The following OSBPL6 variants were observed in gnomAD, a reference collection of about 807,000 sequenced individuals.
The protein encoded by OSBPL6 is oxysterol binding protein like 6.
Under a neutral mutation model 125.8 loss-of-function variants are expected in OSBPL6, and 49 were observed. The ratio of observed to expected loss-of-function variants is 0.39; its 90% CI spans 0.31 to 0.49. OSBPL6 has a LOEUF of 0.49. OSBPL6 is among the 20% of genes least tolerant of loss of function. OSBPL6 has a pLI of 0.88. For synonymous variants in OSBPL6, 394 were observed against 391.8 expected (o/e 1.01, Z -0.07); for missense variants, 986 against 1,135.4 (o/e 0.87, Z 1.89).
chr2:178,253,175 C>G (rs1039629258), intron 1 of OSBPL6, among the ~76,000 whole-genome samples: 3 of 152,118 alleles, frequency 2.0e-5, no homozygotes, highest in Non-Finnish European at 4.4e-5. Context: ...GCGCCCACCA[C>G]CAAGCCCAGC....
chr2:178,359,019 TA>T (rs1692078846), intron 12 of OSBPL6, among the ~76,000 whole-genome samples: 1 of 151,600 alleles, frequency 6.6e-6, no homozygotes, highest in South Asian at 2.1e-4. Context: ...AAAATAAAAT[TA>T]AAAAAATTAG....
chr2:178,219,713 A>G (rs1470903474), intron 1 of OSBPL6, among the ~76,000 whole-genome samples: 1 of 152,202 alleles, frequency 6.6e-6, no homozygotes, highest in Non-Finnish European at 1.5e-5. Flanking sequence ...GCAACTAATT[A>G]CGTGCTGTTA....
chr2:178,268,017 C>A (rs934578735), intron 1 of OSBPL6, among the ~76,000 whole-genome samples: 3 of 151,780 alleles, frequency 2.0e-5, no homozygotes, highest in African/African-American at 7.3e-5. Flanking sequence ...GAGTGAATGA[C>A]TGATTCAAGG....
intron 1 of OSBPL6, among the ~76,000 whole-genome samples, chr2:178,210,818 A>AC (rs1464564604): frequency 4.1e-5 from 5 of 121,318 alleles, no homozygotes; most frequent in African/African-American, 1.9e-4. Flanking sequence ...GTTTCAAAAA[A>AC]AAAAAACACA....
chr2:178,228,380 A>G (rs1250872373), intron 1 of OSBPL6, among the ~76,000 whole-genome samples: 1 of 152,120 alleles, frequency 6.6e-6, no homozygotes, highest in Non-Finnish European at 1.5e-5. Flanking sequence ...CTAAAAATAC[A>G]AAAAATGAGC....
At chr2:178,223,958 G>T (rs760537683) in intron 1 of OSBPL6, among the ~76,000 whole-genome samples, 1 of 152,210 alleles carries the variant, frequency 6.6e-6, no homozygotes, top group Non-Finnish European at 1.5e-5. Flanking sequence ...ACACTTGCCA[G>T]TCATCTTAGG....
chr2:178,257,844 G>A (rs921611594), intron 1 of OSBPL6, among the ~76,000 whole-genome samples: 10 of 149,224 alleles, frequency 6.7e-5, no homozygotes, highest in South Asian at 2.1e-4. Flanking sequence ...TTTTGAGACC[G>A]GAGTGCAGTG....
chr2:178,360,535 T>C (rs1692256402), intron 12 of OSBPL6, among the ~76,000 whole-genome samples: 1 of 152,222 alleles, frequency 6.6e-6, no homozygotes, highest in Non-Finnish European at 1.5e-5. Context: ...ATGTATCTTA[T>C]AACATCATAC....
intron 3 of OSBPL6, among the ~76,000 whole-genome samples, chr2:178,311,592 A>C (rs1378395645): frequency 6.6e-6 from 1 of 152,254 alleles, no homozygotes; most frequent in Non-Finnish European, 1.5e-5. Flanking sequence ...AAGATGTATT[A>C]GAAGCAATAA....
chr2:178,310,659 C>T (rs536279786), intron 3 of OSBPL6, among the ~76,000 whole-genome samples: 8 of 152,108 alleles, frequency 5.3e-5, no homozygotes, highest in African/African-American at 7.2e-5. Flanking sequence ...CCTCATGATC[C>T]GCCCACCTCG....
At position 178,383,148 on chromosome 2, in the gene OSBPL6, C is replaced by G; in HGVS notation, c.1746C>G (p.Asp582Glu). Reference sequence around the variant, plus strand: ...TCTTGAGGAACAACATTGGTAAAGACCTGTCTAAAGTCTCTATGCCTGTGG... The same window carrying G: ...TCTTGAGGAACAACATTGGTAAAGAGCTGTCTAAAGTCTCTATGCCTGTGG... ...WNILRNNIGK[D>E]LSKVSMPVEL... The change falls in exon 17 of 25, where the codon GAC becomes GAG. Residue 582 changes from aspartate (D) to glutamate (E), a missense_variant. Transcript: ENST00000190611. The G allele has an allele frequency of 1.2e-6, 2 of 1,614,164 alleles. No individual in the cohort carries two copies. Among genetic ancestry groups the G allele is most frequent in the Non-Finnish European group, 1.7e-6 (2 of 1,180,032 alleles).
intron 19 of OSBPL6, among the ~76,000 whole-genome samples, chr2:178,386,480 T>C (rs184782650): frequency 9.2e-5 from 14 of 152,370 alleles, no homozygotes; most frequent in African/African-American, 2.6e-4. Flanking sequence ...TTTTATTTTA[T>C]CTGTATTTGG....
chr2:178,287,817 G>A (rs1026673282), intron 2 of OSBPL6, among the ~76,000 whole-genome samples: 10 of 151,832 alleles, frequency 6.6e-5, no homozygotes, highest in Non-Finnish European at 1.2e-4. Context: ...TTCTTATCTC[G>A]TTTTCTTGGA....
At chr2:178,301,323 C>A (rs1250634489) in intron 2 of OSBPL6, among the ~76,000 whole-genome samples, 1 of 152,096 alleles carries the variant, frequency 6.6e-6, no homozygotes, top group Non-Finnish European at 1.5e-5. Flanking sequence ...CTGAGTACAA[C>A]CTAAACGTCC....
In OSBPL6 at chr2:178,400,155, A is replaced by G. The variant is rs910872383; in HGVS notation, c.*4596A>G. 6.6e-6 allele frequency: 1 copy of G among 152,082 alleles called. No homozygotes were observed. The highest frequency in any genetic ancestry group is 1.5e-5 in the Non-Finnish European group (1 of 68,008). 9.4% of individuals were successfully genotyped at this position (152,082 alleles called of 1,614,324 possible). On this transcript the variant is annotated 3_prime_UTR_variant, in exon 25 of 25. Coordinates refer to ENST00000190611, the MANE Select transcript of OSBPL6 (RefSeq NM_032523.4). ...TACTGTTAGAGAATATGCTAGAACT[A>G]TTACTTCTTTTATCTTAGACACCCA...
Position 178,314,083 on chromosome 2 carries a change from G to C in OSBPL6, c.102+7797G>C, listed in dbSNP as rs867702331. ...AACTGAATTGGAATGTGTCTCCTCC[G>C]ACTGAGCCTCTGTAGCATCTTCAAA... On this transcript the variant is annotated intron_variant, in intron 3 of 24. Transcript: ENST00000190611. 2.6e-5 allele frequency among the ~76,000 whole-genome samples: 4 copies of C among 152,174 alleles called. No individual in the cohort carries two copies. The South Asian group carries it at 6.2e-4, about 24-fold the overall frequency.
At chr2:178,246,403 G>A (rs2091492275) in intron 1 of OSBPL6, among the ~76,000 whole-genome samples, 1 of 152,066 alleles carries the variant, frequency 6.6e-6, no homozygotes, top group Admixed American at 6.5e-5. Flanking sequence ...TTCTGCTTCT[G>A]TGACTTCCAG....
chr2:178,229,386 C>A (rs2090717247), intron 1 of OSBPL6, among the ~76,000 whole-genome samples: 1 of 152,104 alleles, frequency 6.6e-6, no homozygotes, highest in Non-Finnish European at 1.5e-5. Flanking sequence ...GTCTCCCTAC[C>A]CGCCTTTGAA....
chr2:178,218,130 T>A (rs2090165495), intron 1 of OSBPL6, among the ~76,000 whole-genome samples: 1 of 152,202 alleles, frequency 6.6e-6, no homozygotes, highest in Non-Finnish European at 1.5e-5. Flanking sequence ...CAAAAAAGTT[T>A]TAATTTCCTT....
Sources: allele counts gnomAD v4.1 joint callset (sites outside exome capture counted in the v4.1 genomes callset), GRCh38; gene constraint gnomAD v4.1.1; transcripts MANE v1.5; gene names NCBI Gene and HGNC (gene_info 2026-07-23, HGNC 2026-07-21).